FGF12: variants seen among roughly 807,000 people sequenced by gnomAD.
The protein encoded by FGF12 is fibroblast growth factor 12B.
A neutral mutation model predicts 23.6 loss-of-function variants in FGF12; 14 were observed. That is an observed-to-expected ratio of 0.59 (90% confidence interval 0.39 to 0.93). The LOEUF is 0.93. FGF12 is among the 40% of genes least tolerant of loss of function. The probability of loss-of-function intolerance (pLI) is 0.00; values close to 1 mark genes in which losing one functional copy is unlikely to be tolerated. For missense variants in FGF12, 175 were observed against 217.8 expected (o/e 0.80, Z 1.24); for synonymous variants, 62 against 77.3 (o/e 0.80, Z 1.04).
intron 2 of FGF12, among the ~76,000 whole-genome samples, chr3:192,629,839 G>A (rs1333423459): frequency 1.3e-5 from 2 of 152,100 alleles, no homozygotes; most frequent in Non-Finnish European, 2.9e-5. Flanking sequence ...GGATCTGTCC[G>A]CGACTATTTC....
chr3:192,447,917 T>A (rs1722406914), intron 2 of FGF12, among the ~76,000 whole-genome samples: 1 of 152,198 alleles, frequency 6.6e-6, no homozygotes, highest in South Asian at 2.1e-4. Context: ...CCAAAGGTAA[T>A]TATCATTCTG....
chr3:192,571,457 G>T (rs983110737), intron 2 of FGF12, among the ~76,000 whole-genome samples: 1 of 152,248 alleles, frequency 6.6e-6, no homozygotes, highest in Non-Finnish European at 1.5e-5. Context: ...CCAGAGCGAC[G>T]GAGCGCGCGA....
At chr3:192,469,799 G>C (rs1021975418) in intron 2 of FGF12, among the ~76,000 whole-genome samples, 1 of 152,206 alleles carries the variant, frequency 6.6e-6, no homozygotes, top group East Asian at 1.9e-4. Context: ...AGTGGGCACT[G>C]TGCAATAAAC....
chr3:192,636,464 A>G (rs1057286983), intron 2 of FGF12, among the ~76,000 whole-genome samples: 2 of 152,204 alleles, frequency 1.3e-5, no homozygotes, highest in Non-Finnish European at 2.9e-5. Context: ...CCACCATTTC[A>G]TCATGTTGAA....
At position 192,141,733 on chromosome 3, in the gene FGF12, C is replaced by T. The variant is rs1476265669; in HGVS notation, c.*2276G>A. 1.3e-5 allele frequency: 2 copies of T among 151,838 alleles called. No individual in the cohort carries two copies. Among genetic ancestry groups the T allele is most frequent in the Non-Finnish European group, 2.9e-5 (2 of 67,872 alleles). 9.4% of individuals were successfully genotyped at this position (151,838 alleles called of 1,614,324 possible). ...AATTAAATATATTTTGTCATGAAATCATAATTGTAATTGATTTTTATGATT... is the reference window on the plus strand; with the variant it reads ...AATTAAATATATTTTGTCATGAAATTATAATTGTAATTGATTTTTATGATT... On this transcript the variant is annotated 3_prime_UTR_variant, in exon 6 of 6. Transcript: ENST00000445105.
chr3:192,598,320 G>A (rs1002543732), intron 2 of FGF12, among the ~76,000 whole-genome samples: 2 of 152,114 alleles, frequency 1.3e-5, no homozygotes, highest in East Asian at 3.9e-4. Context: ...ACTGTCGAGG[G>A]GCTAGAGGCT....
chr3:192,530,369 T>G (rs542423378), intron 2 of FGF12, among the ~76,000 whole-genome samples: 1 of 152,206 alleles, frequency 6.6e-6, no homozygotes. Context: ...TATCTTAATA[T>G]GGTGCCTGCC....
At chr3:192,610,912 G>A (rs1161319839) in intron 2 of FGF12, among the ~76,000 whole-genome samples, 4 of 151,930 alleles carry the variant, frequency 2.6e-5, no homozygotes, top group Admixed American at 1.3e-4. Context: ...TCTCAGCAGG[G>A]CCTAAGCTAG....
At chr3:192,241,843 G>A (rs562283198) in intron 4 of FGF12, among the ~76,000 whole-genome samples, 4 of 152,098 alleles carry the variant, frequency 2.6e-5, no homozygotes, top group East Asian at 1.9e-4. Flanking sequence ...AAATTCATAC[G>A]GCTAAATTCA....
At chr3:192,397,488 G>C (rs1194665236) in intron 2 of FGF12, among the ~76,000 whole-genome samples, 1 of 152,116 alleles carries the variant, frequency 6.6e-6, no homozygotes, top group East Asian at 1.9e-4. Context: ...CCTAGCTAGA[G>C]TCGAGTTGCA....
At chr3:192,267,901 G>A (rs1713180525) in intron 4 of FGF12, among the ~76,000 whole-genome samples, 1 of 152,064 alleles carries the variant, frequency 6.6e-6, no homozygotes, top group African/African-American at 2.4e-5. Flanking sequence ...CCTTTAATAA[G>A]TTTAACACAA....
chr3:192,349,264 A>G (rs560523510), intron 3 of FGF12, among the ~76,000 whole-genome samples: 2 of 152,268 alleles, frequency 1.3e-5, no homozygotes, highest in South Asian at 4.1e-4. Context: ...TGGATATAGT[A>G]GAAATGAATT....
In FGF12 at chr3:192,360,950, A is replaced by G. The variant is rs1051767571; in HGVS notation, c.14-412T>C. Among the ~76,000 whole-genome samples the G allele has an allele frequency of 4.6e-5, 7 of 152,096 alleles. No homozygotes were observed. Among genetic ancestry groups the G allele is most frequent in the African/African-American group, 1.4e-4 (6 of 41,418 alleles). Reference sequence around the variant, plus strand: ...CCATAACCAGGTCCATAAGACTTCTATCTCTGCAGGATGTCAGCTCTCCAT... The same window carrying G: ...CCATAACCAGGTCCATAAGACTTCTGTCTCTGCAGGATGTCAGCTCTCCAT... On this transcript the variant is annotated intron_variant, in intron 2 of 5. Coordinates refer to ENST00000445105, the MANE Select transcript of FGF12 (RefSeq NM_004113.6). The surrounding 1 kb of genome is among the most constrained non-coding windows in gnomAD (Gnocchi z 4.3).
chr3:192,679,726 C>G (rs935876965), intron 2 of FGF12, among the ~76,000 whole-genome samples: 1 of 152,170 alleles, frequency 6.6e-6, no homozygotes, highest in Non-Finnish European at 1.5e-5. Flanking sequence ...AGGGATCACA[C>G]CCAAAGGCCA....
At chr3:192,193,326 C>T (rs1352789992) in intron 4 of FGF12, among the ~76,000 whole-genome samples, 1 of 152,108 alleles carries the variant, frequency 6.6e-6, no homozygotes, top group Non-Finnish European at 1.5e-5. Flanking sequence ...AACTTCAACT[C>T]TTATGCCTTG....
intron 2 of FGF12, among the ~76,000 whole-genome samples, chr3:192,647,750 C>T (rs1271786128): frequency 6.8e-6 from 1 of 147,790 alleles, no homozygotes; most frequent in Admixed American, 6.8e-5. Context: ...TGTATATATA[C>T]ACATATATAT....
chr3:192,473,866 C>T (rs1723241805), intron 2 of FGF12, among the ~76,000 whole-genome samples: 1 of 152,158 alleles, frequency 6.6e-6, no homozygotes. Flanking sequence ...TGCCCTCCAC[C>T]ATGAGAATAT....
At chr3:192,145,413 G>T (rs1713640973) in intron 5 of FGF12, among the ~76,000 whole-genome samples, 1 of 152,330 alleles carries the variant, frequency 6.6e-6, no homozygotes, top group Non-Finnish European at 1.5e-5. Context: ...TGAGGAGACA[G>T]ATTTCTTCCA....
In FGF12 at chr3:192,567,157, C is replaced by T. The variant is rs369262593; in HGVS notation, c.13+160024G>A. On this transcript the variant is annotated intron_variant, in intron 2 of 5. Transcript: ENST00000445105. ...GTTTTACTCCAGGTACTAGAAGCAC[C>T]TCAGAGGCTCAAAGGTGAGACAAAG... Among the ~76,000 whole-genome samples the T allele has an allele frequency of 5.9e-5, 9 of 152,104 alleles. No individual in the cohort carries two copies. In the East Asian group the frequency reaches 1.7e-3, roughly 29 times the overall value.
Sources: gnomAD v4.1 joint callset for allele counts (sites outside exome capture counted in the v4.1 genomes callset) on GRCh38, gnomAD v4.1.1 for gene constraint, Gnocchi (gnomAD v3.1) non-coding constraint, MANE v1.5 for transcripts, NCBI Gene and HGNC (gene_info 2026-07-23, HGNC 2026-07-21) for gene names.